The following ZNF804B variants were observed in gnomAD, a reference collection of about 807,000 sequenced individuals.
ZNF804B encodes zinc finger protein 804B, also known as zinc finger 804B.
In ZNF804B, 80 loss-of-function variants were observed where a neutral mutation model predicts 101.4. The ratio of observed to expected loss-of-function variants is 0.79; its 90% CI spans 0.66 to 0.95. The LOEUF is 0.95. Ranked by LOEUF, ZNF804B falls within the 40% of genes least tolerant of loss-of-function variation. ZNF804B has a pLI of 0.00. For synonymous variants in ZNF804B, 622 were observed against 558.8 expected (o/e 1.11, Z -1.59); for missense variants, 1,673 against 1,561.9 (o/e 1.07, Z -1.20).
intron 2 of ZNF804B, among the ~76,000 whole-genome samples, chr7:89,288,894 A>G (rs189598424): frequency 1.3e-5 from 2 of 152,210 alleles, no homozygotes; most frequent in East Asian, 1.9e-4. Context: ...ATATTTTTGT[A>G]TCTCTAAAGT....
At chr7:88,848,196 G>A (rs1791402740) in intron 1 of ZNF804B, among the ~76,000 whole-genome samples, 2 of 152,104 alleles carry the variant, frequency 1.3e-5, no homozygotes, top group African/African-American at 4.8e-5. Flanking sequence ...AATTACCTAG[G>A]CCAAAATGTC....
At chr7:89,051,014 T>C (rs903610561) in intron 1 of ZNF804B, among the ~76,000 whole-genome samples, 1 of 152,058 alleles carries the variant, frequency 6.6e-6, no homozygotes, top group Non-Finnish European at 1.5e-5. Context: ...ATTATGGATA[T>C]CACTCCTGGG....
chr7:88,939,957 A>T (rs73397358), intron 1 of ZNF804B, among the ~76,000 whole-genome samples: 5,073 of 152,080 alleles, frequency 0.033, 213 homozygotes, highest in East Asian at 0.17. Flanking sequence ...GGAAGATACT[A>T]TTGTACTTCT....
chr7:89,334,624 T>A lies in ZNF804B; in HGVS notation c.1642T>A (p.Phe548Ile), dbSNP rs1342180710. 6.2e-7 allele frequency: 1 copy of A among 1,613,706 alleles called. No individual in the cohort carries two copies. Among genetic ancestry groups the A allele is most frequent in the East Asian group, 2.2e-5 (1 of 44,850 alleles). The change falls in exon 4 of 4, where the codon TTC becomes ATC. Residue 548 changes from phenylalanine to isoleucine, a missense_variant. Transcript: ENST00000333190. ...TMIANPDWEK[F>I]QRKYNLDYSD... ...GATAGCTAATCCGGATTGGGAAAAA[T>A]TCCAGAGGAAATATAATTTGGACTA...
At chr7:89,080,664 C>T (rs937178054) in intron 1 of ZNF804B, among the ~76,000 whole-genome samples, 1 of 151,930 alleles carries the variant, frequency 6.6e-6, no homozygotes, top group African/African-American at 2.4e-5. Context: ...GAGGAAGAGT[C>T]CCTTTCACTG....
intron 2 of ZNF804B, among the ~76,000 whole-genome samples, chr7:89,220,339 A>G (rs986592355): frequency 6.6e-6 from 1 of 151,656 alleles, no homozygotes; most frequent in Non-Finnish European, 1.5e-5. Flanking sequence ...AGTGTGCATA[A>G]CAATGACCTC....
chr7:88,874,804 C>T (rs866662006), intron 1 of ZNF804B, among the ~76,000 whole-genome samples: 28 of 151,508 alleles, frequency 1.8e-4, no homozygotes, highest in East Asian at 1.9e-4. Context: ...CTGCACCAAG[C>T]GGACCTAATA....
intron 1 of ZNF804B, among the ~76,000 whole-genome samples, chr7:89,162,788 A>G (rs1026611193): frequency 7.2e-6 from 1 of 139,506 alleles, no homozygotes; most frequent in Non-Finnish European, 1.6e-5. Flanking sequence ...ATATCTCCCA[A>G]TGCCATCCCT....
At chr7:89,245,303 T>G (rs1789426885) in intron 2 of ZNF804B, among the ~76,000 whole-genome samples, 1 of 152,046 alleles carries the variant, frequency 6.6e-6, no homozygotes, top group South Asian at 2.1e-4. Flanking sequence ...GAAACATCAA[T>G]GAATAATAAG....
At chr7:88,952,270 C>T (rs897651942) in intron 1 of ZNF804B, among the ~76,000 whole-genome samples, 5 of 151,664 alleles carry the variant, frequency 3.3e-5, no homozygotes, top group African/African-American at 1.2e-4. Context: ...CATGCATTCT[C>T]CTTGTTGTTC....
At chr7:88,978,621 T>C (rs1793651318) in intron 1 of ZNF804B, among the ~76,000 whole-genome samples, 1 of 151,800 alleles carries the variant, frequency 6.6e-6, no homozygotes, top group Non-Finnish European at 1.5e-5. Context: ...GTGTTTCTTC[T>C]AGGCAACAGA....
chr7:89,018,715 G>T (rs757988754), intron 1 of ZNF804B, among the ~76,000 whole-genome samples: 2 of 151,838 alleles, frequency 1.3e-5, no homozygotes, highest in Non-Finnish European at 2.9e-5. Flanking sequence ...TTTCTCCTTG[G>T]TTCAATCTTG....
At chr7:88,812,966 T>C (rs1183646271) in intron 1 of ZNF804B, among the ~76,000 whole-genome samples, 1 of 151,870 alleles carries the variant, frequency 6.6e-6, no homozygotes, top group East Asian at 1.9e-4. Flanking sequence ...AAAAAAGTTC[T>C]GGAGATGTGA....
At chr7:89,240,595 C>T (rs927108456) in intron 2 of ZNF804B, among the ~76,000 whole-genome samples, 7 of 151,920 alleles carry the variant, frequency 4.6e-5, no homozygotes, top group African/African-American at 4.8e-5. Flanking sequence ...GATTTATAAT[C>T]GACATAGTTC....
chr7:88,814,683 A>G (rs970170061), intron 1 of ZNF804B, among the ~76,000 whole-genome samples: 6 of 152,252 alleles, frequency 3.9e-5, no homozygotes, highest in Admixed American at 2.0e-4. Context: ...ACAATTTTCT[A>G]ATTTAAAAAA....
intron 1 of ZNF804B, among the ~76,000 whole-genome samples, chr7:89,115,241 C>T (rs548013952): frequency 1.3e-5 from 2 of 152,168 alleles, no homozygotes; most frequent in Non-Finnish European, 2.9e-5. Flanking sequence ...CCTCTGTCAT[C>T]CACTCAACAG....
chr7:89,308,566 C>G (rs1790601974), intron 2 of ZNF804B, among the ~76,000 whole-genome samples: 1 of 152,080 alleles, frequency 6.6e-6, no homozygotes, highest in Non-Finnish European at 1.5e-5. Flanking sequence ...ATATAATTAC[C>G]TCTTTCTTTT....
At chr7:89,187,887 G>A (rs971486042) in intron 1 of ZNF804B, among the ~76,000 whole-genome samples, 78 of 152,056 alleles carry the variant, frequency 5.1e-4, no homozygotes, top group African/African-American at 1.7e-3. Flanking sequence ...TTTAGAGGTA[G>A]GAAAATTGTG....
intron 1 of ZNF804B, among the ~76,000 whole-genome samples, chr7:89,156,590 G>C (rs965490321): frequency 2.6e-5 from 4 of 152,082 alleles, no homozygotes; most frequent in Non-Finnish European, 2.9e-5. Context: ...ATGTGAAAAT[G>C]CCAGGAACAT....
Sources: gnomAD v4.1 joint callset for allele counts (sites outside exome capture counted in the v4.1 genomes callset) on GRCh38, gnomAD v4.1.1 for gene constraint, MANE v1.5 for transcripts, NCBI Gene and HGNC (gene_info 2026-07-23, HGNC 2026-07-21) for gene names.